The following SOX5 variants were observed in gnomAD, a reference collection of about 807,000 sequenced individuals.
The protein encoded by SOX5 is SRY-box transcription factor 5, also known as transcription factor SOX-5.
A neutral mutation model predicts 92.0 loss-of-function variants in SOX5; 9 were observed. The observed-to-expected ratio is 0.10, with a 90% confidence interval of 0.06 to 0.17. The LOEUF (loss-of-function observed/expected upper bound fraction) is 0.17, where lower values mean the gene tolerates loss of function less well. Ranked by LOEUF, SOX5 falls within the 10% of genes least tolerant of loss-of-function variation. The probability of loss-of-function intolerance (pLI) is 1.00; values close to 1 mark genes in which losing one functional copy is unlikely to be tolerated. For synonymous variants in SOX5, 344 were observed against 336.3 expected, an observed-to-expected ratio of 1.02 and a Z score of -0.25; for missense variants, 642 against 944.5, an observed-to-expected ratio of 0.68 and a Z score of 4.20.
chr12:23,683,152 C>T (rs1219867269), intron 6 of SOX5, among the ~76,000 whole-genome samples: 1 of 151,826 alleles, frequency 6.6e-6, no homozygotes, highest in African/African-American at 2.4e-5. Context: ...ATGTGATAAG[C>T]AAGTAACTAA....
rs190156864 is a variant in SOX5 at position 24,529,999 on chromosome 12, G to A, written c.-251+32330C>T. On this transcript the variant is annotated intron_variant, in intron 1 of 4. Coordinates refer to the SOX5 transcript ENST00000446891. ...CACGCCACTGCACTTCAGCCTGGGC[G>A]ACAGAGCGAGACTCCGTCTCAAAAA... Among the ~76,000 whole-genome samples, 25 of 125,982 alleles carry A rather than the reference G, an allele frequency of 2.0e-4. No individual in the cohort carries two copies. In the Admixed American group the frequency reaches 2.0e-3, roughly 10 times the overall value. The allele number at this position is 125,982 out of a possible 152,430, so 82.6% of individuals were successfully genotyped here. A position where few individuals can be genotyped will look rare whatever the true frequency, so the allele number is the denominator to read the frequency against.
chr12:23,775,380 C>T (rs1567662286), intron 3 of SOX5, among the ~76,000 whole-genome samples: 1 of 152,038 alleles, frequency 6.6e-6, no homozygotes. Flanking sequence ...ATATACCTAG[C>T]GAGGAAATAA....
At chr12:24,456,599 T>A (rs1943046641) in intron 1 of SOX5, among the ~76,000 whole-genome samples, 1 of 152,172 alleles carries the variant, frequency 6.6e-6, no homozygotes, top group Non-Finnish European at 1.5e-5. Context: ...CTGTTCTTAC[T>A]TAACAAATGA....
intron 6 of SOX5, among the ~76,000 whole-genome samples, chr12:23,716,871 G>T (rs1156329972): frequency 1.3e-5 from 2 of 152,088 alleles, no homozygotes; most frequent in Admixed American, 1.3e-4. Flanking sequence ...AACCCAAAAA[G>T]CTTTTAAAGG....
intron 3 of SOX5, among the ~76,000 whole-genome samples, chr12:24,259,275 A>G (rs1223419315): frequency 6.6e-6 from 1 of 152,168 alleles, no homozygotes; most frequent in East Asian, 1.9e-4. Flanking sequence ...TGGTTTTGCA[A>G]ATGTAGATTA....
chr12:23,810,565 T>C (rs2095859312), intron 3 of SOX5, among the ~76,000 whole-genome samples: 1 of 152,186 alleles, frequency 6.6e-6, no homozygotes, highest in South Asian at 2.1e-4. Context: ...TCTAGGGCCA[T>C]TCGACAAGGT....
intron 1 of SOX5, among the ~76,000 whole-genome samples, chr12:24,449,367 C>T (rs748268337): frequency 2.6e-5 from 4 of 152,194 alleles, no homozygotes; most frequent in Non-Finnish European, 5.9e-5. Context: ...TTTGTTTCTC[C>T]CTTGAGGATA....
intron 1 of SOX5, among the ~76,000 whole-genome samples, chr12:23,917,978 A>G (rs2097435420): frequency 6.6e-6 from 1 of 152,176 alleles, no homozygotes; most frequent in Non-Finnish European, 1.5e-5. Context: ...AACGAATGTG[A>G]TATGTTATAA....
In SOX5 at chr12:24,295,253, T is replaced by C. The variant is rs190545683; in HGVS notation, c.-173-17941A>G. On this transcript the variant is annotated intron_variant, in intron 2 of 4. Transcript: ENST00000446891. ...CAGCACATTTTTTCCTTACTAATAC[T>C]TTCTAGTGCTAGAGGATCTTCATAC... Among the ~76,000 whole-genome samples, 75 of 152,282 alleles carry C rather than the reference T, an allele frequency of 4.9e-4. 1 individual carries two copies. The highest frequency in any genetic ancestry group is 4.3e-3 in the Admixed American group (66 of 15,288).
At chr12:23,909,673 T>A (rs2097330225) in intron 1 of SOX5, among the ~76,000 whole-genome samples, 1 of 152,128 alleles carries the variant, frequency 6.6e-6, no homozygotes, top group Non-Finnish European at 1.5e-5. Context: ...TATAAACCAG[T>A]CCTGTCAAAG....
At chr12:23,907,055 A>G (rs1359615111) in intron 1 of SOX5, among the ~76,000 whole-genome samples, 2 of 152,118 alleles carry the variant, frequency 1.3e-5, no homozygotes, top group Admixed American at 6.6e-5. Context: ...TCTGCTTTCT[A>G]TCAGAACAAT....
chr12:23,576,815 C>T (rs1027830252), intron 9 of SOX5, among the ~76,000 whole-genome samples: 11 of 151,972 alleles, frequency 7.2e-5, no homozygotes, highest in Middle Eastern at 3.4e-3. Flanking sequence ...TTGTTCCTTT[C>T]GTGTGCTCTA....
At chr12:24,015,128 T>TC (rs1393137616) in intron 4 of SOX5, among the ~76,000 whole-genome samples, 3 of 151,618 alleles carry the variant, frequency 2.0e-5, no homozygotes, top group African/African-American at 4.9e-5. Context: ...CTCCCTTTTT[T>TC]CCCCCTCTAA....
At chr12:23,737,457 T>C (rs2093644630) in intron 5 of SOX5, among the ~76,000 whole-genome samples, 1 of 152,076 alleles carries the variant, frequency 6.6e-6, no homozygotes, top group Non-Finnish European at 1.5e-5. Flanking sequence ...GGAGAATCTC[T>C]TGAATCTGGG....
At chr12:24,527,491 G>T (rs544409275) in intron 1 of SOX5, among the ~76,000 whole-genome samples, 1 of 152,106 alleles carries the variant, frequency 6.6e-6, no homozygotes, top group Non-Finnish European at 1.5e-5. Context: ...GCTGGTTTGG[G>T]GCATGGCTTG....
intron 4 of SOX5, among the ~76,000 whole-genome samples, chr12:24,001,980 A>G (rs1951654417): frequency 6.6e-6 from 1 of 152,166 alleles, no homozygotes; most frequent in South Asian, 2.1e-4. Context: ...AGTTAAATAA[A>G]TAAATAAAAA....
intron 8 of SOX5, among the ~76,000 whole-genome samples, chr12:23,621,217 A>G (rs1308897996): frequency 6.6e-6 from 1 of 152,108 alleles, no homozygotes; most frequent in Non-Finnish European, 1.5e-5. Context: ...TAAACCAGAC[A>G]CAAAAGGACA....
chr12:23,970,755 C>T lies in SOX5; in HGVS notation c.-1-74731G>A, dbSNP rs892052360. On this transcript the variant is annotated intron_variant, in intron 4 of 4. Coordinates refer to the SOX5 transcript ENST00000446891. ...ACCGTGCTGCAATGAACATTGGTGT[C>T]CACTGGTGTCCCTGTTTGCAATTCT... 2.8e-5 allele frequency among the ~76,000 whole-genome samples: 4 copies of T among 141,262 alleles called. No homozygotes were observed. The East Asian group carries it at 6.1e-4, about 22-fold the overall frequency. 92.7% of individuals were successfully genotyped at this position (141,262 alleles called of 152,430 possible).
At chr12:23,996,965 T>G (rs571994922) in intron 4 of SOX5, among the ~76,000 whole-genome samples, 1 of 152,204 alleles carries the variant, frequency 6.6e-6, no homozygotes, top group Non-Finnish European at 1.5e-5. Context: ...GCTAATTTTT[T>G]GTCATACAAA....
Sources: gnomAD v4.1 joint callset for allele counts (sites outside exome capture counted in the v4.1 genomes callset) on GRCh38, gnomAD v4.1.1 for gene constraint, MANE v1.5 for transcripts, NCBI Gene and HGNC (gene_info 2026-07-23, HGNC 2026-07-21) for gene names.